The following EPHA5 variants were observed in gnomAD, a reference collection of about 807,000 sequenced individuals.
The protein encoded by EPHA5 is EPH receptor A5.
In EPHA5, 60 loss-of-function variants were observed where a neutral mutation model predicts 105.0. That is an observed-to-expected ratio of 0.57 (90% CI 0.46 to 0.71). EPHA5 has a LOEUF of 0.71. Ranked by LOEUF, EPHA5 falls within the 30% of genes least tolerant of loss-of-function variation. The pLI is 0.00. For synonymous variants in EPHA5, 513 were observed against 449.1 expected (o/e 1.14, Z -1.80); for missense variants, 1,218 against 1,274.7 (o/e 0.96, Z 0.68).
At chr4:65,574,394 AAT>A (rs947481301) in intron 3 of EPHA5, 107 of 729,200 alleles carry the variant, frequency 1.5e-4, no homozygotes, top group Non-Finnish European at 1.9e-4. Flanking sequence ...AAAATAAAAA[AAT>A]AAAAAAATAC....
At chr4:65,475,389 C>T (rs1204565701) in intron 5 of EPHA5, among the ~76,000 whole-genome samples, 3 of 152,102 alleles carry the variant, frequency 2.0e-5, no homozygotes, top group Admixed American at 2.0e-4. Flanking sequence ...ATCCTTCTTT[C>T]CTCTAAGTGA....
intron 3 of EPHA5, among the ~76,000 whole-genome samples, chr4:65,597,384 T>A (rs1225710703): frequency 1.3e-5 from 2 of 152,074 alleles, no homozygotes. Context: ...TGAACTCAAT[T>A]ACTTCTGTCA....
At chr4:65,384,901 A>C (rs1719930547) in intron 8 of EPHA5, among the ~76,000 whole-genome samples, 1 of 151,578 alleles carries the variant, frequency 6.6e-6, no homozygotes, top group Non-Finnish European at 1.5e-5. Flanking sequence ...CTCCATTTCT[A>C]GGAGCCTAAA....
chr4:65,466,154 G>A (rs142342729), intron 5 of EPHA5, among the ~76,000 whole-genome samples: 20 of 152,360 alleles, frequency 1.3e-4, no homozygotes, highest in African/African-American at 4.6e-4. Flanking sequence ...GTACACATAT[G>A]CACATAACTT....
chr4:65,559,995 A>G (rs1738844549), intron 3 of EPHA5, among the ~76,000 whole-genome samples: 1 of 152,206 alleles, frequency 6.6e-6, no homozygotes, highest in South Asian at 2.1e-4. Context: ...CTAAATCTGT[A>G]AACAATCAAT....
At chr4:65,403,772 T>C (rs1722086698) in intron 8 of EPHA5, among the ~76,000 whole-genome samples, 1 of 152,110 alleles carries the variant, frequency 6.6e-6, no homozygotes, top group Non-Finnish European at 1.5e-5. Context: ...TATATATTCA[T>C]GTATCTATTT....
chr4:65,651,163 C>A (rs984738814), intron 1 of EPHA5, among the ~76,000 whole-genome samples: 2 of 152,098 alleles, frequency 1.3e-5, no homozygotes, highest in Admixed American at 1.3e-4. Flanking sequence ...ATACAGTCAT[C>A]GAGAGAAAAT....
intron 5 of EPHA5, among the ~76,000 whole-genome samples, chr4:65,425,977 G>T (rs527408061): frequency 6.6e-6 from 1 of 152,056 alleles, no homozygotes; most frequent in Non-Finnish European, 1.5e-5. Flanking sequence ...TGACAACTTC[G>T]TAAAATGTAT....
rs2149572003 is a variant in EPHA5, at chr4:65,669,700, G to T, written c.43C>A (p.Pro15Thr). Residue 15 changes from proline (P) to threonine (T), a missense_variant, in exon 1 of 17, where the codon CCA becomes ACA. By Grantham distance (38) the Pro-to-Thr change is conservative (BLOSUM62 -1). This residue lies in a region of EPHA5 where 233 missense variants were observed against 227.5 expected (regional missense o/e 1.02). Coordinates refer to ENST00000613740, the MANE Select transcript of EPHA5 (RefSeq NM_001281766.3). ...GPRGAGRRRP[P>T]SGGGDTPITP... Reference sequence around the variant, plus strand: ...ATGGGGGTGTCGCCGCCGCCGCTTGGGGGCCGCCGGCGTCCCGCACCCCGG... The same window carrying T: ...ATGGGGGTGTCGCCGCCGCCGCTTGTGGGCCGCCGGCGTCCCGCACCCCGG... 7.7e-7 allele frequency: 1 copy of T among 1,297,882 alleles called. No homozygotes were observed. The highest frequency in any genetic ancestry group is 9.8e-7 in the Non-Finnish European group (1 of 1,020,464). The allele number at this position is 1,297,882 out of a possible 1,614,324, so 80.4% of individuals were successfully genotyped here.
At chr4:65,473,723 T>C (rs1438079333) in intron 5 of EPHA5, among the ~76,000 whole-genome samples, 1 of 152,108 alleles carries the variant, frequency 6.6e-6, no homozygotes. Flanking sequence ...ATCCAAACCA[T>C]ATCACTTATA....
rs191659518 is a variant in EPHA5 at position 65,409,767 on chromosome 4, A to G, written c.1687+4517T>C. Among the ~76,000 whole-genome samples the G allele has an allele frequency of 3.5e-4, 53 of 152,344 alleles. 1 individual carries two copies. In the East Asian group the frequency reaches 6.7e-3, roughly 19 times the overall value. ...ATGTAAGTATGTAGAATCAGTGGAA[A>G]CATTAAAAACAGTATGGTAGGCAAA... On this transcript the variant is annotated intron_variant, in intron 7 of 16. Transcript: ENST00000613740.
chr4:65,374,201 G>T (rs1011390723), intron 8 of EPHA5, among the ~76,000 whole-genome samples: 2 of 151,848 alleles, frequency 1.3e-5, no homozygotes, highest in Non-Finnish European at 2.9e-5. Flanking sequence ...TAAAAATGTG[G>T]GCAGCCTTGG....
intron 1 of EPHA5, among the ~76,000 whole-genome samples, chr4:65,660,856 T>G (rs143123805): frequency 0.014 from 2,079 of 152,174 alleles, 45 homozygotes; most frequent in African/African-American, 0.047. Flanking sequence ...TCTGTTAAAC[T>G]TGCAAAGTAG....
intron 3 of EPHA5, among the ~76,000 whole-genome samples, chr4:65,550,997 G>T (rs1737840968): frequency 6.6e-6 from 1 of 150,984 alleles, no homozygotes; most frequent in South Asian, 2.1e-4. Flanking sequence ...ATGTATTTGT[G>T]CATTATATAT....
rs555017497 is a variant in EPHA5, at chr4:65,456,487, T to C, written c.1402+33890A>G. Among the ~76,000 whole-genome samples the C allele has an allele frequency of 1.4e-4, 22 of 152,288 alleles. No individual in the cohort carries two copies. The East Asian group carries it at 4.1e-3, about 28-fold the overall frequency. ...CTTTGTTTTAGAATCATTGATGAAA[T>C]GTTAATGCTGATTAGTGTGTCACAA... On this transcript the variant is annotated intron_variant, in intron 5 of 16. Coordinates refer to ENST00000613740, the MANE Select transcript of EPHA5 (RefSeq NM_001281766.3).
intron 3 of EPHA5, among the ~76,000 whole-genome samples, chr4:65,580,395 T>C (rs1259237234): frequency 3.3e-5 from 5 of 151,788 alleles, no homozygotes; most frequent in African/African-American, 9.7e-5. Context: ...CCGTCTGACA[T>C]TACATGGGAA....
intron 3 of EPHA5, among the ~76,000 whole-genome samples, chr4:65,565,715 G>T (rs776820021): frequency 1.9e-4 from 29 of 151,136 alleles, no homozygotes; most frequent in Non-Finnish European, 3.3e-4. Context: ...AATCTGTAAA[G>T]CTAGGAGGAT....
At chr4:65,526,875 T>C (rs1278043752) in intron 3 of EPHA5, among the ~76,000 whole-genome samples, 1 of 152,040 alleles carries the variant, frequency 6.6e-6, no homozygotes, top group Non-Finnish European at 1.5e-5. Context: ...AAAAGGCAAT[T>C]GATCTTAGTG....
chr4:65,576,054 GAAAGAAAAGAAAAGAAAAGA>G (rs1423504045), intron 3 of EPHA5, among the ~76,000 whole-genome samples: 27 of 81,570 alleles, frequency 3.3e-4, no homozygotes, highest in South Asian at 1.4e-3. Flanking sequence ...AAGAAAGAAA[GAAAGAAAAGAAAAGAAAAGA>G]AAAGAAAAGA....
Sources: gnomAD v4.1 joint callset for allele counts (sites outside exome capture counted in the v4.1 genomes callset) on GRCh38, gnomAD v4.1.1 for gene constraint, gnomAD v4.1.1 regional missense constraint, MANE v1.5 for transcripts, NCBI Gene and HGNC (gene_info 2026-07-23, HGNC 2026-07-21) for gene names.